PLOD2: variants seen among roughly 807,000 people sequenced by gnomAD.
PLOD2 encodes the protein procollagen-lysine,2-oxoglutarate 5-dioxygenase 2.
Under a neutral mutation model 101.0 loss-of-function variants are expected in PLOD2, and 65 were observed. That is an observed-to-expected ratio of 0.64 (90% CI 0.53 to 0.79). The LOEUF is 0.79. PLOD2 is among the 30% of genes least tolerant of loss of function. PLOD2 has a pLI of 0.00. For missense variants in PLOD2, 909 were observed against 914.6 expected (o/e 0.99, Z 0.08); for synonymous variants, 314 against 302.9 (o/e 1.04, Z -0.38).
At chr3:146,154,610 T>C (rs970474925) in intron 1 of PLOD2, among the ~76,000 whole-genome samples, 3 of 152,230 alleles carry the variant, frequency 2.0e-5, no homozygotes, top group Non-Finnish European at 2.9e-5. Context: ...TAATTTCTTA[T>C]AGCGGAAAAG....
intron 11 of PLOD2, among the ~76,000 whole-genome samples, chr3:146,082,663 C>T (rs1444730174): frequency 2.6e-5 from 4 of 152,132 alleles, no homozygotes; most frequent in South Asian, 2.1e-4. Flanking sequence ...GAAGCCGAGG[C>T]GGGCGGATCA....
intron 3 of PLOD2, among the ~76,000 whole-genome samples, chr3:146,111,455 A>T (rs901803206): frequency 6.6e-6 from 1 of 152,152 alleles, no homozygotes; most frequent in African/African-American, 2.4e-5. Context: ...TATAAAATGG[A>T]GGGAAAAGTA....
At chr3:146,079,900 A>T (rs1456990051) in intron 12 of PLOD2, among the ~76,000 whole-genome samples, 2 of 152,006 alleles carry the variant, frequency 1.3e-5, no homozygotes, top group East Asian at 3.9e-4. Context: ...TAGAAAAAGG[A>T]AAACATGAAG....
Position 146,070,743 on chromosome 3 carries a change from T to C in PLOD2, c.2251A>G (p.Ile751Val), listed in dbSNP as rs1416923269. ...GLPVKNGTRY[I>V]AVSFIDP ...TAGGGATCTATAAATGACACTGCAA[T>C]GTATCTTGTTCCATTTTTAACAGGA... The change falls in exon 20 of 20, where the codon ATT becomes GTT. Residue 751 changes from isoleucine to valine, a missense_variant. Transcript: ENST00000282903. 6.2e-7 allele frequency: 1 copy of C among 1,607,654 alleles called. No homozygotes were observed. Among genetic ancestry groups the C allele is most frequent in the Non-Finnish European group, 8.5e-7 (1 of 1,174,888 alleles).
intron 5 of PLOD2, 36 bp from the exon 6 acceptor site, chr3:146,104,378 C>A (rs371797076): frequency 2.7e-5 from 28 of 1,020,592 alleles, no homozygotes; most frequent in Admixed American, 1.0e-4. Context: ...TTGAAAATGA[C>A]AACAAAAACA....
chr3:146,157,193 G>A (rs67154251), intron 1 of PLOD2, among the ~76,000 whole-genome samples: 19,608 of 152,160 alleles, frequency 0.13, 1,384 homozygotes, highest in East Asian at 0.23. Flanking sequence ...ATAATTCTCA[G>A]AACAGGCCAG....
chr3:146,091,661 C>A, intron 8 of PLOD2, 139 bp downstream of exon 8: 3 of 622,680 alleles, frequency 4.8e-6, no homozygotes, highest in South Asian at 3.5e-5. Context: ...GCTGAATCAT[C>A]ATGTTTTAAC....
At chr3:146,071,909 A>G (rs1375587) in intron 17 of PLOD2, among the ~76,000 whole-genome samples, 78,224 of 151,398 alleles carry the variant, frequency 0.52, 20,314 homozygotes, top group East Asian at 0.57. Flanking sequence ...TTCATCACCC[A>G]CTAACTTAAG....
At chr3:146,144,401 AGATTTCC>A (rs907620003) in intron 1 of PLOD2, among the ~76,000 whole-genome samples, 12 of 152,184 alleles carry the variant, frequency 7.9e-5, no homozygotes, top group Non-Finnish European at 1.5e-4. Flanking sequence ...ATGCTTGCCA[AGATTTCC>A]ATACCCTTTT....
At chr3:146,144,976 C>A (rs191739295) in intron 1 of PLOD2, among the ~76,000 whole-genome samples, 3 of 152,124 alleles carry the variant, frequency 2.0e-5, no homozygotes, top group Admixed American at 2.0e-4. Flanking sequence ...GTCATTGTAA[C>A]CGAAAATACA....
At chr3:146,159,269 TTC>T (rs1225408420) in intron 1 of PLOD2, among the ~76,000 whole-genome samples, 3 of 152,208 alleles carry the variant, frequency 2.0e-5, no homozygotes, top group East Asian at 1.9e-4. Context: ...ATACCTAAAA[TTC>T]TCTTTCTCTG....
intron 1 of PLOD2, among the ~76,000 whole-genome samples, chr3:146,148,987 C>T (rs1349482696): frequency 1.3e-5 from 2 of 152,134 alleles, no homozygotes; most frequent in Non-Finnish European, 1.5e-5. Flanking sequence ...AGAAATAAAT[C>T]CCAAGGATGA....
intron 11 of PLOD2, 111 bp from the exon 12 acceptor site, chr3:146,081,974 G>T: frequency 2.3e-6 from 2 of 856,282 alleles, no homozygotes; most frequent in Non-Finnish European, 1.7e-6. Context: ...ACACAAGAAA[G>T]CTCATTCAAC....
rs558063486 is a variant in PLOD2, at chr3:146,070,249, G to C, written c.*468C>G. 3.2e-5 allele frequency: 5 copies of C among 153,990 alleles called. No individual in the cohort carries two copies. Among genetic ancestry groups the C allele is most frequent in the African/African-American group, 9.6e-5 (4 of 41,492 alleles). The allele number at this position is 153,990 out of a possible 1,614,324, so 9.5% of individuals were successfully genotyped here. Reference sequence around the variant, plus strand: ...TAGGTGTTCAGAAAAATACTTAGTTGCATACAAATCCAGTTAGAATCTGAT... The same window carrying C: ...TAGGTGTTCAGAAAAATACTTAGTTCCATACAAATCCAGTTAGAATCTGAT... On this transcript the variant is annotated 3_prime_UTR_variant, in exon 20 of 20. Transcript: ENST00000282903.
chr3:146,161,163 G>T lies in PLOD2; in HGVS notation c.-174C>A. The T allele has an allele frequency of 2.5e-6, 1 of 404,584 alleles. No individual in the cohort carries two copies. Among genetic ancestry groups the T allele is most frequent in the Non-Finnish European group, 4.3e-6 (1 of 234,064 alleles). The allele number at this position is 404,584 out of a possible 1,614,324, so 25.1% of individuals were successfully genotyped here. On this transcript the variant is annotated 5_prime_UTR_variant, in exon 1 of 20. Transcript: ENST00000282903. ...GCGCGTAACGCAGCTGAGTGAGGTCGTCGGTGGAGGCACGGAGCAGCAGGC... is the reference window on the plus strand; with the variant it reads ...GCGCGTAACGCAGCTGAGTGAGGTCTTCGGTGGAGGCACGGAGCAGCAGGC...
chr3:146,092,853 G>A (rs1394676324), intron 7 of PLOD2, among the ~76,000 whole-genome samples: 2 of 152,052 alleles, frequency 1.3e-5, no homozygotes, highest in Non-Finnish European at 2.9e-5. Context: ...TACATCTTCT[G>A]CAATTTTAAT....
At chr3:146,098,829 AACTT>A (rs1307909504) in intron 7 of PLOD2, among the ~76,000 whole-genome samples, 2 of 151,604 alleles carry the variant, frequency 1.3e-5, no homozygotes, top group Admixed American at 6.6e-5. Context: ...AAGTAAAACT[AACTT>A]ACAAAAAATC....
intron 1 of PLOD2, among the ~76,000 whole-genome samples, chr3:146,126,459 TA>T (rs1353466988): frequency 3.3e-5 from 5 of 152,132 alleles, no homozygotes; most frequent in Non-Finnish European, 7.4e-5. Context: ...AAACGTAACC[TA>T]AACTGGATAC....
intron 1 of PLOD2, among the ~76,000 whole-genome samples, chr3:146,128,052 T>C (rs1317750102): frequency 6.6e-6 from 1 of 152,096 alleles, no homozygotes. Context: ...GATAGAAAAT[T>C]ATGCAATGTA....
Sources: gnomAD v4.1 joint callset for allele counts (sites outside exome capture counted in the v4.1 genomes callset) on GRCh38, gnomAD v4.1.1 for gene constraint, MANE v1.5 for transcripts, NCBI Gene and HGNC (gene_info 2026-07-23, HGNC 2026-07-21) for gene names.